Variants in PCCA observed in about 807,000 individuals in gnomAD.
PCCA encodes the protein propionyl-CoA carboxylase alpha chain, mitochondrial.
A neutral mutation model predicts 101.3 loss-of-function variants in PCCA; 74 were observed. The ratio of observed to expected loss-of-function variants is 0.73; its 90% CI spans 0.61 to 0.89. PCCA has a LOEUF of 0.89. PCCA is among the 40% of genes least tolerant of loss of function. PCCA has a pLI of 0.00. For missense variants in PCCA, 891 were observed against 907.0 expected (o/e 0.98, Z 0.23); for synonymous variants, 294 against 313.6 (o/e 0.94, Z 0.66).
chr13:100,265,133 G>A (rs1458440528), intron 10 of PCCA, among the ~76,000 whole-genome samples: 1 of 152,104 alleles, frequency 6.6e-6, no homozygotes, highest in Non-Finnish European at 1.5e-5. Flanking sequence ...CCCTTCATGC[G>A]GCTTGCCTGT....
At chr13:100,233,510 A>T (rs1320956343) in intron 7 of PCCA, among the ~76,000 whole-genome samples, 9 of 152,168 alleles carry the variant, frequency 5.9e-5, no homozygotes, top group African/African-American at 2.2e-4. Context: ...GATGTCACTT[A>T]GTGCCATTGA....
At chr13:100,432,347 A>G (rs774665608) in intron 20 of PCCA, among the ~76,000 whole-genome samples, 8 of 152,166 alleles carry the variant, frequency 5.3e-5, no homozygotes, top group Non-Finnish European at 1.0e-4. Context: ...TACGATCCTC[A>G]GTATATTTGC....
At chr13:100,428,545 G>A (rs1364172859) in intron 20 of PCCA, among the ~76,000 whole-genome samples, 1 of 152,024 alleles carries the variant, frequency 6.6e-6, no homozygotes, top group African/African-American at 2.4e-5. Context: ...CTATGCTATA[G>A]TACTTTGCGA....
At chr13:100,263,344 A>G (rs1367544731) in intron 10 of PCCA, among the ~76,000 whole-genome samples, 1 of 152,262 alleles carries the variant, frequency 6.6e-6, no homozygotes, top group Non-Finnish European at 1.5e-5. Context: ...AAATGCCTTC[A>G]TGCTAATTTT....
intron 8 of PCCA, 26 bp from the exon 9 acceptor site, chr13:100,257,569 T>G (rs1254887964): frequency 6.4e-7 from 1 of 1,564,854 alleles, no homozygotes; most frequent in South Asian, 1.1e-5. Flanking sequence ...AGTCTGAACT[T>G]CTGTCTAATT....
At position 100,255,316 on chromosome 13, in the gene PCCA, T is replaced by G. The variant is rs76941266; in HGVS notation, c.638-2279T>G. Among the ~76,000 whole-genome samples the G allele has an allele frequency of 3.9e-3, 599 of 152,302 alleles. 2 individuals are homozygous for G. The highest frequency in any genetic ancestry group is 0.01 in the Middle Eastern group (3 of 294). ...TGATAATTTTTTGTTGATAAATTGT[T>G]TTATGTATCTTGTTTCCCCAGCTTG... On this transcript the variant is annotated intron_variant, in intron 8 of 23. Coordinates refer to ENST00000376285, the MANE Select transcript of PCCA (RefSeq NM_000282.4).
chr13:100,303,054 A>G (rs1303200371), intron 14 of PCCA, 56 bp downstream of exon 14: 2 of 956,152 alleles, frequency 2.1e-6, no homozygotes, highest in Non-Finnish European at 3.5e-6. Context: ...TTTATGTCAT[A>G]CTTTTATGTT....
intron 16 of PCCA, among the ~76,000 whole-genome samples, chr13:100,321,963 G>C (rs962748853): frequency 6.6e-6 from 1 of 152,170 alleles, no homozygotes; most frequent in Non-Finnish European, 1.5e-5. Flanking sequence ...CTAGCTTAGA[G>C]ATGGAAAGTC....
At chr13:100,283,879 T>C (rs1193063378) in intron 12 of PCCA, among the ~76,000 whole-genome samples, 1 of 152,216 alleles carries the variant, frequency 6.6e-6, no homozygotes, top group African/African-American at 2.4e-5. Context: ...GCCTCGTCCA[T>C]GTCCACTATG....
At chr13:100,511,205 T>G (rs1401592739) in intron 21 of PCCA, among the ~76,000 whole-genome samples, 1 of 152,234 alleles carries the variant, frequency 6.6e-6, no homozygotes, top group Non-Finnish European at 1.5e-5. Flanking sequence ...TTCTCTGCTT[T>G]TCAGCCACGC....
intron 8 of PCCA, among the ~76,000 whole-genome samples, chr13:100,252,548 C>A (rs1390125156): frequency 6.6e-6 from 1 of 152,106 alleles, no homozygotes; most frequent in Non-Finnish European, 1.5e-5. Flanking sequence ...AATAGGGTGT[C>A]ATTTTATCAG....
At chr13:100,348,902 CTTCCTTCCT>C (rs2072865034) in intron 18 of PCCA, among the ~76,000 whole-genome samples, 1 of 108,168 alleles carries the variant, frequency 9.2e-6, no homozygotes, top group Non-Finnish European at 1.9e-5. Flanking sequence ...TCCTTCCTTC[CTTCCTTCCT>C]TTCTTTTCTT....
chr13:100,225,907 T>C (rs2060121630), intron 7 of PCCA, among the ~76,000 whole-genome samples: 1 of 152,096 alleles, frequency 6.6e-6, no homozygotes, highest in Admixed American at 6.5e-5. Context: ...TTCTTGTGCC[T>C]CAGCCTCTCA....
At chr13:100,109,684 G>T (rs755718766) in intron 2 of PCCA, among the ~76,000 whole-genome samples, 4 of 152,170 alleles carry the variant, frequency 2.6e-5, no homozygotes, top group Non-Finnish European at 4.4e-5. Flanking sequence ...GCTCTGAGTG[G>T]CTTCGAGTTT....
At chr13:100,297,750 G>A (rs1235412520) in intron 12 of PCCA, among the ~76,000 whole-genome samples, 1 of 152,150 alleles carries the variant, frequency 6.6e-6, no homozygotes, top group African/African-American at 2.4e-5. Flanking sequence ...GGTGATTATG[G>A]CATGAGATGT....
chr13:100,271,153 T>G (rs1484830277), intron 11 of PCCA, among the ~76,000 whole-genome samples: 5 of 152,218 alleles, frequency 3.3e-5, no homozygotes, highest in Non-Finnish European at 5.9e-5. Flanking sequence ...GAAAGATAGT[T>G]TCACAGAGCT....
At chr13:100,285,189 A>G (rs1041259607) in intron 12 of PCCA, among the ~76,000 whole-genome samples, 7 of 152,266 alleles carry the variant, frequency 4.6e-5, no homozygotes, top group African/African-American at 1.4e-4. Context: ...TTGGCCGACT[A>G]TGGATCCCCG....
At chr13:100,211,144 G>C (rs548761432) in intron 7 of PCCA, among the ~76,000 whole-genome samples, 2 of 152,274 alleles carry the variant, frequency 1.3e-5, no homozygotes, top group East Asian at 3.9e-4. Context: ...ATGTGGGAAG[G>C]ATGTGGTGAT....
intron 6 of PCCA, among the ~76,000 whole-genome samples, chr13:100,192,384 C>G (rs1191646629): frequency 6.6e-6 from 1 of 152,126 alleles, no homozygotes; most frequent in African/African-American, 2.4e-5. Flanking sequence ...ACCACAGTGC[C>G]TGACGTAGAG....
Sources: allele counts gnomAD v4.1 joint callset (sites outside exome capture counted in the v4.1 genomes callset), GRCh38; gene constraint gnomAD v4.1.1; transcripts MANE v1.5; gene names NCBI Gene and HGNC (gene_info 2026-07-23, HGNC 2026-07-21).